The following TSC22D2 variants were observed in gnomAD, a reference collection of about 807,000 sequenced individuals.
TSC22D2 encodes TSC22 domain family protein 2.
In TSC22D2, 5 loss-of-function variants were observed where a neutral mutation model predicts 50.1. The observed-to-expected ratio is 0.10, with a 90% CI of 0.05 to 0.21. TSC22D2 has a LOEUF of 0.21. Ranked by LOEUF, TSC22D2 falls within the 10% of genes least tolerant of loss-of-function variation. The pLI is 1.00. For missense variants in TSC22D2, 1,003 were observed against 1,015.5 expected (o/e 0.99, Z 0.17); for synonymous variants, 501 against 450.1 (o/e 1.11, Z -1.43).
intron 1 of TSC22D2, among the ~76,000 whole-genome samples, chr3:150,451,743 T>TA (rs1721047519): frequency 6.6e-6 from 1 of 152,204 alleles, no homozygotes; most frequent in South Asian, 2.1e-4. Flanking sequence ...CTCATTAAGA[T>TA]AAAGGTGTGC....
In TSC22D2 at chr3:150,423,134, C is replaced by T. The variant is rs775617637; in HGVS notation, c.1958+11826C>T. 2.5e-6 allele frequency: 4 copies of T among 1,592,540 alleles called. No individual in the cohort carries two copies. In the South Asian group the frequency reaches 3.3e-5, roughly 13 times the overall value. On this transcript the variant is annotated intron_variant, in intron 1 of 2. Coordinates refer to ENST00000688009, the MANE Select transcript of TSC22D2 (RefSeq NM_001303264.2). Reference sequence around the variant, plus strand: ...CCTCTGGGATAGGTATGAATACTTACATATGGAATGCATACATGCAAAACT... The same window carrying T: ...CCTCTGGGATAGGTATGAATACTTATATATGGAATGCATACATGCAAAACT...
chr3:150,437,824 T>TAAATA (rs976236817), intron 1 of TSC22D2, among the ~76,000 whole-genome samples: 60 of 151,442 alleles, frequency 4.0e-4, no homozygotes, highest in East Asian at 7.8e-4. Flanking sequence ...AATAAATAAA[T>TAAATA]AAATAAAATA....
intron 1 of TSC22D2, among the ~76,000 whole-genome samples, chr3:150,444,676 C>T (rs11713072): frequency 6.6e-5 from 10 of 152,056 alleles, no homozygotes; most frequent in African/African-American, 1.7e-4. Flanking sequence ...TTCTGTCATT[C>T]ACCATGTCTA....
rs1721384558 is a variant in TSC22D2, at chr3:150,461,068, C to CTT, written c.*2433_*2434dup. 6.6e-6 allele frequency: 1 copy of CTT among 152,080 alleles called. No homozygotes were observed. The highest frequency in any genetic ancestry group is 2.4e-5 in the African/African-American group (1 of 41,410). The allele number at this position is 152,080 out of a possible 1,614,324, so 9.4% of individuals were successfully genotyped here. A position where few individuals can be genotyped will look rare whatever the true frequency, so the allele number is the denominator to read the frequency against. On this transcript the variant is annotated 3_prime_UTR_variant, in exon 3 of 3. Coordinates refer to ENST00000688009, the MANE Select transcript of TSC22D2 (RefSeq NM_001303264.2). ...GTAATAAGTGTCCTAAGTAGCAGGA[C>CTT]TTAACATAGAAAGAAAGACAGGCTT...
chr3:150,409,621 G>A lies in TSC22D2; in HGVS notation c.271G>A (p.Asp91Asn), dbSNP rs1312107150. ...PGTVSPNLLL[D>N]GQLAAAAAAP... is the part of the protein sequence containing the mutation. ...GACCGTCTCCCCAAACCTCCTCCTAGATGGGCAGCTGGCAGCGGCGGCTGC... is the reference window on the plus strand; with the variant it reads ...GACCGTCTCCCCAAACCTCCTCCTAAATGGGCAGCTGGCAGCGGCGGCTGC... Residue 91 changes from aspartate to asparagine, a missense_variant, in exon 1 of 3, where the codon GAT becomes AAT. Physicochemically the swap from Asp to Asn is conservative, Grantham distance 23. Transcript: ENST00000688009. This position sits in a 1 kb window ranked among gnomAD's most constrained non-coding sequence, Gnocchi z 7.4. The A allele has an allele frequency of 6.2e-6, 10 of 1,609,858 alleles. No individual in the cohort carries two copies. Among genetic ancestry groups the A allele is most frequent in the Non-Finnish European group, 8.5e-6 (10 of 1,177,654 alleles).
At chr3:150,444,992 T>C (rs903641042) in intron 1 of TSC22D2, among the ~76,000 whole-genome samples, 16 of 152,204 alleles carry the variant, frequency 1.1e-4, no homozygotes, top group African/African-American at 3.9e-4. Context: ...TTGTTGAATT[T>C]TCATATAACA....
At chr3:150,411,337 A>G (rs1311887452) in intron 1 of TSC22D2, 29 bp downstream of exon 1, 10 of 1,563,042 alleles carry the variant, frequency 6.4e-6, no homozygotes, top group Non-Finnish European at 8.7e-6. Context: ...TAAATATTTG[A>G]TAGAAATGCT....
At chr3:150,453,869 A>AT (rs1338714814) in intron 1 of TSC22D2, among the ~76,000 whole-genome samples, 2 of 152,140 alleles carry the variant, frequency 1.3e-5, no homozygotes, top group African/African-American at 4.8e-5. Flanking sequence ...GCTCAATCTA[A>AT]TAGGATCAAC....
chr3:150,425,618 T>C (rs978664570), intron 1 of TSC22D2, among the ~76,000 whole-genome samples: 4 of 152,212 alleles, frequency 2.6e-5, no homozygotes, highest in Non-Finnish European at 4.4e-5. Flanking sequence ...TCGCTATTAC[T>C]AGATAACAGA....
At position 150,460,156 on chromosome 3, in the gene TSC22D2, T is replaced by G. The variant is rs971098546; in HGVS notation, c.*1520T>G. The G allele has an allele frequency of 3.3e-5, 5 of 152,194 alleles. No individual in the cohort carries two copies. Among genetic ancestry groups the G allele is most frequent in the Non-Finnish European group, 7.4e-5 (5 of 68,008 alleles). The allele number at this position is 152,194 out of a possible 1,614,324, so 9.4% of individuals were successfully genotyped here. A position where few individuals can be genotyped will look rare whatever the true frequency, so the allele number is the denominator to read the frequency against. Reference sequence around the variant, plus strand: ...ATATGTGTTCAAAATTTGACTAGATTTGTATTTTCACAGTTCAAAATACTC... The same window carrying G: ...ATATGTGTTCAAAATTTGACTAGATGTGTATTTTCACAGTTCAAAATACTC... On this transcript the variant is annotated 3_prime_UTR_variant, in exon 3 of 3. Transcript: ENST00000688009.
At position 150,462,642 on chromosome 3, in the gene TSC22D2, T is replaced by TTC. The variant is rs945760670; in HGVS notation, c.*4007_*4008insCT. On this transcript the variant is annotated 3_prime_UTR_variant, in exon 3 of 3. Transcript: ENST00000688009. ...CTATTTTCTTTTTTTCTTTTTTCTT[T>TTC]TTTTTTTTTTTTGAGACAGAGTCTT... The TTC allele has an allele frequency of 6.8e-6, 1 of 147,418 alleles. No individual in the cohort carries two copies. The highest frequency in any genetic ancestry group is 2.5e-5 in the African/African-American group (1 of 39,224). 9.1% of individuals were successfully genotyped at this position (147,418 alleles called of 1,614,324 possible).
chr3:150,432,584 T>A (rs1259694146), intron 1 of TSC22D2, among the ~76,000 whole-genome samples: 7 of 151,514 alleles, frequency 4.6e-5, no homozygotes, highest in African/African-American at 1.7e-4. Flanking sequence ...AGAGCTTTTT[T>A]TAAAAAAAAA....
intron 1 of TSC22D2, among the ~76,000 whole-genome samples, chr3:150,449,436 CTTT>C (rs769855672): frequency 4.1e-4 from 63 of 152,148 alleles, no homozygotes; most frequent in Middle Eastern, 3.2e-3. Flanking sequence ...GTATATCCTT[CTTT>C]ATGTGTATAT....
intron 1 of TSC22D2, among the ~76,000 whole-genome samples, chr3:150,442,705 T>C (rs979725602): frequency 6.6e-6 from 1 of 152,230 alleles, no homozygotes; most frequent in African/African-American, 2.4e-5. Flanking sequence ...GGCTCAAGCC[T>C]GTAATCCCAG....
chr3:150,447,079 A>AG (rs1268165880), intron 1 of TSC22D2, among the ~76,000 whole-genome samples: 2 of 152,206 alleles, frequency 1.3e-5, no homozygotes, highest in African/African-American at 2.4e-5. Flanking sequence ...CATATACCAA[A>AG]GGGGATAGTC....
rs879634 is a variant in TSC22D2, at chr3:150,410,605, G to A, written c.1255G>A (p.Ala419Thr). 404,178 of 1,559,288 alleles carry A rather than the reference G, an allele frequency of 0.26. 54,281 individuals carry two copies. Among genetic ancestry groups the A allele is most frequent in the Middle Eastern group, 0.34 (1,830 of 5,374 alleles). The change falls in exon 1 of 3, where the codon GCT becomes ACT. Residue 419 changes from alanine to threonine, a missense_variant. Ala to Thr is a moderately conservative substitution (Grantham distance 58, BLOSUM62 0). Coordinates refer to ENST00000688009, the MANE Select transcript of TSC22D2 (RefSeq NM_001303264.2). The stretch of plus-strand genomic sequence containing the variant: ...CCTTCCCGTGGGCACCGGCCAGAAT[G>A]CTTCCTCGGTGGGCGCGCAGCTCAT... ...ATLPVGTGQNASSVGAQLMGA... is the reference protein window; with the variant it reads ...ATLPVGTGQNTSSVGAQLMGA...
chr3:150,461,109 G>C lies in TSC22D2; in HGVS notation c.*2473G>C, dbSNP rs1193328993. The C allele has an allele frequency of 6.6e-6, 1 of 152,158 alleles. No individual in the cohort carries two copies. The highest frequency in any genetic ancestry group is 6.5e-5 in the Admixed American group (1 of 15,272). The allele number at this position is 152,158 out of a possible 1,614,324, so 9.4% of individuals were successfully genotyped here. ...AGACAGGCTTTCCTGTGTACTTTTA[G>C]AAAGTAATTTGGCAGTATGTATCTA... On this transcript the variant is annotated 3_prime_UTR_variant, in exon 3 of 3. Transcript: ENST00000688009.
At chr3:150,444,316 A>G (rs1009367770) in intron 1 of TSC22D2, among the ~76,000 whole-genome samples, 2 of 152,254 alleles carry the variant, frequency 1.3e-5, no homozygotes, top group African/African-American at 4.8e-5. Flanking sequence ...ATAAAATATA[A>G]TTAGATAATA....
intron 1 of TSC22D2, among the ~76,000 whole-genome samples, chr3:150,432,873 ATGAC>A (rs1245576610): frequency 6.6e-6 from 1 of 152,150 alleles, no homozygotes; most frequent in East Asian, 1.9e-4. Context: ...GAAGAAAGAG[ATGAC>A]TGACTCTATT....
Sources: allele counts gnomAD v4.1 joint callset (sites outside exome capture counted in the v4.1 genomes callset), GRCh38; gene constraint gnomAD v4.1.1; non-coding constraint Gnocchi (gnomAD v3.1); transcripts MANE v1.5; gene names NCBI Gene and HGNC (gene_info 2026-07-23, HGNC 2026-07-21).